PKD1L3: variants seen among roughly 807,000 people sequenced by gnomAD.
The protein encoded by PKD1L3 is polycystin-1-like protein 3.
Under a neutral mutation model 184.1 loss-of-function variants are expected in PKD1L3, and 239 were observed. That is an observed-to-expected ratio of 1.30 (90% CI 1.17 to 1.45). The LOEUF is 1.45. Among genes scored for constraint, PKD1L3 ranks in the 40% most tolerant of loss-of-function variants. The pLI is 0.00. For synonymous variants in PKD1L3, 996 were observed against 778.8 expected (o/e 1.28, Z -4.64); for missense variants, 2,660 against 2,067.2 (o/e 1.29, Z -5.56).
At chr16:71,977,558 C>CT in intron 10 of PKD1L3, 91 bp from the exon 11 acceptor site, 6 of 628,006 alleles carry the variant, frequency 9.6e-6, no homozygotes, top group Admixed American at 3.8e-5. Flanking sequence ...AACGTCCTAG[C>CT]TCTTTTTTTT....
At chr16:71,990,632 G>A (rs902140339) in intron 3 of PKD1L3, among the ~76,000 whole-genome samples, 2 of 152,116 alleles carry the variant, frequency 1.3e-5, no homozygotes, top group Non-Finnish European at 1.5e-5. Flanking sequence ...TACTCGGGAG[G>A]CTGAGGCAGG....
At chr16:71,968,439 A>G (rs1206440346) in intron 13 of PKD1L3, among the ~76,000 whole-genome samples, 2 of 152,304 alleles carry the variant, frequency 1.3e-5, no homozygotes, top group East Asian at 3.9e-4. Flanking sequence ...ACTAATGCTG[A>G]CAACCCTACA....
rs373708085 is a variant in PKD1L3, at chr16:71,999,170, T to C, written c.295+514A>G. On this transcript the variant is annotated intron_variant, in intron 1 of 29. Transcript: ENST00000620267. ...CCTGTAGTCCCAGCTACTCGGGAGG[T>C]TGAGGCAGGAGAATGGCGTGAACCC... 5.1e-4 allele frequency among the ~76,000 whole-genome samples: 77 copies of C among 150,500 alleles called. 1 individual carries two copies. Among genetic ancestry groups the C allele is most frequent in the African/African-American group, 1.2e-3 (48 of 40,950 alleles).
intron 24 of PKD1L3, 146 bp from the exon 25 acceptor site, chr16:71,937,565 C>T (rs1169867963): frequency 3.4e-6 from 3 of 892,204 alleles, no homozygotes; most frequent in Non-Finnish European, 5.0e-6. Context: ...TCCTTTAGAG[C>T]TGTCATGAAC....
chr16:71,991,804 A>T (rs1471639939), intron 3 of PKD1L3, among the ~76,000 whole-genome samples: 1 of 152,180 alleles, frequency 6.6e-6, no homozygotes, highest in Non-Finnish European at 1.5e-5. Context: ...ACACACTGAG[A>T]AAATTTCTGA....
chr16:71,949,656 T>C (rs970651099), intron 21 of PKD1L3, 127 bp downstream of exon 21: 1 of 875,596 alleles, frequency 1.1e-6, no homozygotes, highest in African/African-American at 1.7e-5. Flanking sequence ...CCCAGCCTGG[T>C]TTGCCTATTT....
At chr16:71,973,585 A>G in intron 11 of PKD1L3, 68 bp from the exon 12 acceptor site, 1 of 1,330,932 alleles carries the variant, frequency 7.5e-7, no homozygotes, top group Admixed American at 2.4e-5. Context: ...CCTCTCTTCT[A>G]AAGGATCTAT....
chr16:71,976,602 C>G (rs956971206), intron 11 of PKD1L3, among the ~76,000 whole-genome samples: 12 of 151,924 alleles, frequency 7.9e-5, no homozygotes, highest in African/African-American at 2.9e-4. Context: ...ACAATTATCT[C>G]AAAATGAAAA....
chr16:71,987,496 C>T (rs2040418733), intron 4 of PKD1L3, among the ~76,000 whole-genome samples: 1 of 152,142 alleles, frequency 6.6e-6, no homozygotes, highest in African/African-American at 2.4e-5. Flanking sequence ...GCTCAGCCTC[C>T]TGAGTGGCTG....
intron 1 of PKD1L3, among the ~76,000 whole-genome samples, chr16:71,999,178 G>A (rs1444309720): frequency 6.6e-6 from 1 of 151,796 alleles, no homozygotes; most frequent in Admixed American, 6.6e-5. Context: ...GGTTGAGGCA[G>A]GAGAATGGCG....
At chr16:71,973,272 T>C (rs2039787163) in intron 12 of PKD1L3, 52 bp downstream of exon 12, 6 of 1,525,330 alleles carry the variant, frequency 3.9e-6, no homozygotes, top group Non-Finnish European at 5.3e-6. Context: ...TGCATTGGGC[T>C]TAACAGTAGC....
chr16:71,977,180 T>C, intron 11 of PKD1L3, 56 bp downstream of exon 11: 1 of 1,340,080 alleles, frequency 7.5e-7, no homozygotes, highest in South Asian at 1.3e-5. Flanking sequence ...GCCACTGCAC[T>C]ACATCCTAGG....
intron 16 of PKD1L3, among the ~76,000 whole-genome samples, chr16:71,958,908 G>C (rs949739956): frequency 6.7e-6 from 1 of 150,090 alleles, no homozygotes; most frequent in Non-Finnish European, 1.5e-5. Flanking sequence ...GCAACAGAGT[G>C]AAACGCCGTC....
At chr16:71,936,725 C>T (rs552911775) in intron 25 of PKD1L3, among the ~76,000 whole-genome samples, 3 of 152,080 alleles carry the variant, frequency 2.0e-5, no homozygotes, top group South Asian at 2.1e-4. Flanking sequence ...TCAGGTAATC[C>T]GCCTGCCTCG....
rs144950332 is a variant in PKD1L3 at position 71,967,236 on chromosome 16, C to T, written c.2366G>A (p.Arg789Gln). The T allele has an allele frequency of 1.0e-4, 158 of 1,551,660 alleles. No individual in the cohort carries two copies. In the East Asian group the frequency reaches 3.2e-3, roughly 32 times the overall value. The change falls in exon 15 of 30, where the codon CGA becomes CAA. Residue 789 changes from arginine to glutamine, a missense_variant. Coordinates refer to ENST00000620267, the MANE Select transcript of PKD1L3 (RefSeq NM_181536.2). ...LCDPQKTVFERGGLDVFLLTT... is the reference protein window; with the variant it reads ...LCDPQKTVFEQGGLDVFLLTT... ...GAGAAGGAAGACATCCAGGCCCCCT[C>T]GTTCAAAGACTGTCTTCTGGGGGTC... is the stretch of plus-strand genomic sequence containing the variant.
At chr16:71,975,788 C>T (rs945300841) in intron 11 of PKD1L3, among the ~76,000 whole-genome samples, 3 of 152,140 alleles carry the variant, frequency 2.0e-5, no homozygotes, top group Non-Finnish European at 2.9e-5. Context: ...GTGGTAAAAT[C>T]ACACAGGACT....
At chr16:71,998,787 A>C (rs1218477018) in intron 1 of PKD1L3, among the ~76,000 whole-genome samples, 2 of 152,144 alleles carry the variant, frequency 1.3e-5, no homozygotes, top group Admixed American at 1.3e-4. Context: ...TGAAAGCCAA[A>C]TTTGACTGAC....
chr16:71,986,990 T>C (rs1029066426), intron 4 of PKD1L3, among the ~76,000 whole-genome samples: 1 of 134,648 alleles, frequency 7.4e-6, no homozygotes. Context: ...AGTGGCACGA[T>C]CTCGGCTCAC....
At chr16:71,979,696 T>C in intron 9 of PKD1L3, 90 bp downstream of exon 9, 1 of 1,407,474 alleles carries the variant, frequency 7.1e-7, no homozygotes, top group South Asian at 1.6e-5. Context: ...TCTGTTCAGT[T>C]TACATTTCAT....
Sources: allele counts gnomAD v4.1 joint callset (sites outside exome capture counted in the v4.1 genomes callset), GRCh38; gene constraint gnomAD v4.1.1; transcripts MANE v1.5; gene names NCBI Gene and HGNC (gene_info 2026-07-23, HGNC 2026-07-21).